Variants in ADGRA3 observed in about 807,000 individuals in gnomAD.
ADGRA3 encodes adhesion G protein-coupled receptor A3, also known as G-protein coupled receptor 125.
In ADGRA3, 56 loss-of-function variants were observed where a neutral mutation model predicts 119.8. The ratio of observed to expected loss-of-function variants is 0.47; its 90% CI spans 0.38 to 0.58. The LOEUF is 0.58. ADGRA3 is among the 20% of genes least tolerant of loss of function. The pLI is 0.00. For missense variants in ADGRA3, 1,516 were observed against 1,649.0 expected (o/e 0.92, Z 1.40); for synonymous variants, 607 against 623.8 (o/e 0.97, Z 0.40).
At position 22,395,700 on chromosome 4, in the gene ADGRA3, C is replaced by T. The variant is rs146323028; in HGVS notation, c.2482-3010G>A. ...AGGCACTCGGAATCAAACGGACTAG[C>T]ATTTGAATCATGCCTCTGCCACCTA... is the stretch of plus-strand genomic sequence containing the variant. On this transcript the variant is annotated intron_variant, in intron 16 of 18. Transcript: ENST00000334304. 5.5e-3 allele frequency among the ~76,000 whole-genome samples: 842 copies of T among 152,258 alleles called. 6 individuals carry two copies. Among genetic ancestry groups the T allele is most frequent in the Middle Eastern group, 0.014 (4 of 294 alleles).
At chr4:22,420,828 T>C (rs1715634767) in intron 12 of ADGRA3, 58 bp downstream of exon 12, 1 of 1,507,480 alleles carries the variant, frequency 6.6e-7, no homozygotes, top group Non-Finnish European at 9.2e-7. Context: ...AAGCAGAACA[T>C]TTGGAGCATT....
intron 16 of ADGRA3, among the ~76,000 whole-genome samples, chr4:22,395,531 TG>T (rs1446623076): frequency 6.6e-6 from 1 of 152,154 alleles, no homozygotes. Flanking sequence ...AGACTAAGAC[TG>T]AGAGAAGTCA....
At chr4:22,482,780 A>C (rs1718297065) in intron 1 of ADGRA3, among the ~76,000 whole-genome samples, 1 of 152,200 alleles carries the variant, frequency 6.6e-6, no homozygotes, top group Admixed American at 6.5e-5. Flanking sequence ...ACACAGACTA[A>C]ATGGCAGAGT....
intron 14 of ADGRA3, among the ~76,000 whole-genome samples, chr4:22,412,375 C>A (rs976644402): frequency 1.3e-5 from 2 of 152,106 alleles, no homozygotes; most frequent in African/African-American, 4.8e-5. Flanking sequence ...TGCTCCTGTA[C>A]ATTAATAACT....
intron 1 of ADGRA3, among the ~76,000 whole-genome samples, chr4:22,489,301 C>T (rs1265197148): frequency 6.6e-6 from 1 of 152,060 alleles, no homozygotes; most frequent in Non-Finnish European, 1.5e-5. Context: ...CCTCCCATAA[C>T]ACGTGAAAAT....
At chr4:22,492,808 A>C (rs971009301) in intron 1 of ADGRA3, among the ~76,000 whole-genome samples, 2 of 152,250 alleles carry the variant, frequency 1.3e-5, no homozygotes, top group South Asian at 4.1e-4. Flanking sequence ...AGAAAATAAA[A>C]GCATATCCCC....
chr4:22,459,651 C>T (rs550640246), intron 3 of ADGRA3, among the ~76,000 whole-genome samples: 10 of 151,842 alleles, frequency 6.6e-5, no homozygotes, highest in South Asian at 2.1e-4. Flanking sequence ...AAAAAATACC[C>T]ACACACACTG....
chr4:22,424,170 C>G, intron 11 of ADGRA3, 21 bp downstream of exon 11: 2 of 1,589,078 alleles, frequency 1.3e-6, no homozygotes, highest in Non-Finnish European at 1.7e-6. Flanking sequence ...TCTCAGGAGT[C>G]TATGATAATG....
chr4:22,458,041 C>T (rs1050925669), intron 3 of ADGRA3, among the ~76,000 whole-genome samples: 10 of 152,144 alleles, frequency 6.6e-5, no homozygotes, highest in African/African-American at 2.4e-4. Flanking sequence ...CACATTCCTC[C>T]CATTGAGGGA....
intron 12 of ADGRA3, 43 bp downstream of exon 12, chr4:22,420,843 T>C (rs1715635790): frequency 6.4e-7 from 1 of 1,568,754 alleles, no homozygotes; most frequent in Non-Finnish European, 8.8e-7. Flanking sequence ...AGCATTCTAA[T>C]TTAACTGTAA....
chr4:22,450,646 T>A (rs1044136464), intron 4 of ADGRA3, among the ~76,000 whole-genome samples: 4 of 152,246 alleles, frequency 2.6e-5, no homozygotes, highest in East Asian at 3.9e-4. Context: ...TCCTAAGAGC[T>A]GCATGTGTAT....
At chr4:22,494,160 G>A (rs1296669588) in intron 1 of ADGRA3, among the ~76,000 whole-genome samples, 5 of 150,352 alleles carry the variant, frequency 3.3e-5, no homozygotes, top group Non-Finnish European at 7.4e-5. Flanking sequence ...AGCCGAGATC[G>A]CACCACTGCA....
At chr4:22,411,305 A>T (rs558850179) in intron 14 of ADGRA3, among the ~76,000 whole-genome samples, 1 of 152,354 alleles carries the variant, frequency 6.6e-6, no homozygotes, top group East Asian at 1.9e-4. Context: ...TTAACGCTTC[A>T]TGCTTTAATT....
intron 16 of ADGRA3, among the ~76,000 whole-genome samples, chr4:22,397,409 T>C (rs1285552591): frequency 6.6e-6 from 1 of 152,054 alleles, no homozygotes; most frequent in Non-Finnish European, 1.5e-5. Context: ...CTCGATCTCT[T>C]GACCTCGTGA....
At chr4:22,437,095 T>C (rs1039609971) in intron 8 of ADGRA3, among the ~76,000 whole-genome samples, 3 of 152,172 alleles carry the variant, frequency 2.0e-5, no homozygotes, top group Admixed American at 6.5e-5. Context: ...ATAGAAAATC[T>C]ACCATAAATA....
chr4:22,416,718 T>C (rs1257473566), intron 12 of ADGRA3, among the ~76,000 whole-genome samples: 1 of 152,192 alleles, frequency 6.6e-6, no homozygotes, highest in Non-Finnish European at 1.5e-5. Context: ...ACTTCTACCA[T>C]TCAGTTTCAG....
Position 22,414,170 on chromosome 4 carries a change from A to G in ADGRA3, c.1810-356T>C, listed in dbSNP as rs376022417. On this transcript the variant is annotated intron_variant, in intron 12 of 18. Coordinates refer to ENST00000334304, the MANE Select transcript of ADGRA3 (RefSeq NM_145290.4). ...GGCTGTATCAATTTTACAATGATAA[A>G]ATATGATAAAGAAGCACAAATGTAG... is the stretch of plus-strand genomic sequence containing the variant. The G allele has an allele frequency of 5.7e-5, 12 of 209,876 alleles. No individual in the cohort carries two copies. The East Asian group carries it at 1.3e-3, about 22-fold the overall frequency. The allele number at this position is 209,876 out of a possible 1,614,324, so 13.0% of individuals were successfully genotyped here. A position where few individuals can be genotyped will look rare whatever the true frequency, so the allele number is the denominator to read the frequency against.
intron 2 of ADGRA3, among the ~76,000 whole-genome samples, chr4:22,464,632 TCTAC>T (rs945120714): frequency 5.3e-5 from 8 of 152,220 alleles, no homozygotes; most frequent in African/African-American, 1.7e-4. Context: ...CTGCAGTCCC[TCTAC>T]CTGCAACTCT....
At chr4:22,480,915 C>A (rs1416657540) in intron 1 of ADGRA3, among the ~76,000 whole-genome samples, 1 of 152,072 alleles carries the variant, frequency 6.6e-6, no homozygotes, top group Non-Finnish European at 1.5e-5. Context: ...CCCTAGTATG[C>A]CTGTAATCCC....
Sources: gnomAD v4.1 joint callset for allele counts (sites outside exome capture counted in the v4.1 genomes callset) on GRCh38, gnomAD v4.1.1 for gene constraint, MANE v1.5 for transcripts, NCBI Gene and HGNC (gene_info 2026-07-23, HGNC 2026-07-21) for gene names.